The following ADCY2 variants were observed in gnomAD, a reference collection of about 807,000 sequenced individuals.
ADCY2 encodes the protein adenylate cyclase type 2.
ADCY2 carries 31 observed loss-of-function variants against 125.2 expected under a neutral mutation model. The observed-to-expected ratio is 0.25, with a 90% CI of 0.19 to 0.33. The LOEUF (loss-of-function observed/expected upper bound fraction) is 0.33. Among genes scored for constraint, ADCY2 ranks in the 10% least tolerant of loss-of-function variants. The pLI is 1.00. For synonymous variants in ADCY2, 512 were observed against 548.4 expected (o/e 0.93, Z 0.93); for missense variants, 904 against 1,418.2 (o/e 0.64, Z 5.82).
chr5:7,520,906 G>A lies in ADCY2; in HGVS notation c.570+7G>A, dbSNP rs1424726674. 6.2e-7 allele frequency: 1 copy of A among 1,613,720 alleles called. No homozygotes were observed. Among genetic ancestry groups the A allele is most frequent in the African/African-American group, 1.3e-5 (1 of 75,044 alleles). ...GGAGCACCTGGTCTGGCAGGTGGGT[G>A]CACCTCCACATCCATGGAGAATGAC... On this transcript the variant is annotated splice_region_variant and intron_variant, in intron 3 of 24. Transcript: ENST00000338316.
intron 20 of ADCY2, among the ~76,000 whole-genome samples, chr5:7,792,823 C>G (rs991716318): frequency 6.6e-6 from 1 of 152,232 alleles, no homozygotes; most frequent in African/African-American, 2.4e-5. Context: ...CCGTCCTCAT[C>G]CATAAAAGAA....
intron 16 of ADCY2, among the ~76,000 whole-genome samples, chr5:7,759,547 G>A (rs1488541728): frequency 3.3e-5 from 5 of 152,300 alleles, no homozygotes; most frequent in South Asian, 4.1e-4. Context: ...TAAGATGAGC[G>A]AGTGGCACGA....
intron 2 of ADCY2, among the ~76,000 whole-genome samples, chr5:7,516,874 G>C (rs1403013988): frequency 2.6e-5 from 4 of 151,438 alleles, no homozygotes; most frequent in Non-Finnish European, 5.9e-5. Flanking sequence ...GAGAGAAGCA[G>C]ACAGACAGAG....
intron 16 of ADCY2, among the ~76,000 whole-genome samples, chr5:7,762,975 T>G (rs1743271409): frequency 7.9e-6 from 1 of 126,342 alleles, no homozygotes; most frequent in Non-Finnish European, 1.6e-5. Context: ...AATCATGTCC[T>G]CATGTATAGC....
chr5:7,594,753 T>C (rs988909690), intron 3 of ADCY2, among the ~76,000 whole-genome samples: 13 of 152,208 alleles, frequency 8.5e-5, no homozygotes, highest in Non-Finnish European at 1.5e-5. Flanking sequence ...TAGGATTTTC[T>C]ATATTTGGGA....
chr5:7,595,871 T>A (rs774116122), intron 3 of ADCY2, among the ~76,000 whole-genome samples: 1 of 152,146 alleles, frequency 6.6e-6, no homozygotes, highest in Non-Finnish European at 1.5e-5. Flanking sequence ...CAAGAAAAAG[T>A]CTGTACATAT....
intron 2 of ADCY2, among the ~76,000 whole-genome samples, chr5:7,513,733 T>G (rs4546348): frequency 6.6e-6 from 1 of 152,210 alleles, no homozygotes; most frequent in African/African-American, 2.4e-5. Flanking sequence ...AAGAACTATA[T>G]TGCGGTACTA....
chr5:7,723,337 T>C (rs1741824418), intron 12 of ADCY2, among the ~76,000 whole-genome samples: 1 of 152,192 alleles, frequency 6.6e-6, no homozygotes, highest in African/African-American at 2.4e-5. Context: ...TGGCAGTCAG[T>C]CTAGAATACA....
rs1185070509 is a variant in ADCY2 at position 7,396,675 on chromosome 5, C to T, written c.210+169C>T. ...CTGCTTCTCCTGCTGGCCCGCGGCC[C>T]GGTGGACTCTGGCAAGGGCTGCGGG... On this transcript the variant is annotated intron_variant, in intron 1 of 24. Transcript: ENST00000338316. This position sits in a 1 kb window ranked among gnomAD's most constrained non-coding sequence, Gnocchi z 5.7. Among the ~76,000 whole-genome samples, 1 of 151,390 alleles carries T rather than the reference C, an allele frequency of 6.6e-6. No homozygotes were observed. The highest frequency in any genetic ancestry group is 2.1e-4 in the South Asian group (1 of 4,814).
intron 2 of ADCY2, among the ~76,000 whole-genome samples, chr5:7,494,094 A>G (rs1743262476): frequency 6.6e-6 from 1 of 152,090 alleles, no homozygotes; most frequent in South Asian, 2.1e-4. Flanking sequence ...GCCCCCAGTG[A>G]TGAGAGGCAC....
chr5:7,643,758 C>G lies in ADCY2; in HGVS notation c.720+17442C>G, dbSNP rs73050184. ...TTGTTATGCCATATCTAGTGTCTCT[C>G]ATTCTGTTTCCTGATACTTAGTGTT... On this transcript the variant is annotated intron_variant, in intron 4 of 24. Coordinates refer to ENST00000338316, the MANE Select transcript of ADCY2 (RefSeq NM_020546.3). Among the ~76,000 whole-genome samples, 1,190 of 151,744 alleles carry G rather than the reference C, an allele frequency of 7.8e-3. 18 individuals are homozygous for G. The highest frequency in any genetic ancestry group is 0.027 in the African/African-American group (1,121 of 41,422).
At chr5:7,732,835 C>T (rs1260139778) in intron 14 of ADCY2, among the ~76,000 whole-genome samples, 1 of 152,146 alleles carries the variant, frequency 6.6e-6, no homozygotes, top group Non-Finnish European at 1.5e-5. Context: ...TGAAAGGGAG[C>T]CCAACATGAT....
intron 2 of ADCY2, among the ~76,000 whole-genome samples, chr5:7,464,146 G>T (rs561177161): frequency 1.3e-5 from 2 of 152,210 alleles, no homozygotes; most frequent in African/African-American, 2.4e-5. Flanking sequence ...TGTGTGTGTT[G>T]TCTACCCTTT....
At chr5:7,761,412 G>A (rs143123819) in intron 16 of ADCY2, among the ~76,000 whole-genome samples, 62 of 152,180 alleles carry the variant, frequency 4.1e-4, no homozygotes, top group African/African-American at 1.4e-3. Flanking sequence ...CTCCCAAAGT[G>A]CTGGGATTAC....
chr5:7,518,112 A>G (rs998062822), intron 2 of ADCY2, among the ~76,000 whole-genome samples: 8 of 152,190 alleles, frequency 5.3e-5, no homozygotes, highest in African/African-American at 1.9e-4. Context: ...ATACACAACA[A>G]TTGATTTTCC....
intron 2 of ADCY2, among the ~76,000 whole-genome samples, chr5:7,512,539 T>C (rs1359151970): frequency 6.6e-6 from 1 of 152,042 alleles, no homozygotes; most frequent in African/African-American, 2.4e-5. Flanking sequence ...TTAAATGAGA[T>C]GGGAGAGAGT....
intron 3 of ADCY2, among the ~76,000 whole-genome samples, chr5:7,574,904 T>G (rs1448169558): frequency 6.6e-6 from 1 of 152,238 alleles, no homozygotes; most frequent in African/African-American, 2.4e-5. Context: ...TAGACACATT[T>G]TTTTTTACAC....
chr5:7,760,231 T>A (rs899590657), intron 16 of ADCY2, among the ~76,000 whole-genome samples: 4 of 152,246 alleles, frequency 2.6e-5, no homozygotes, highest in Non-Finnish European at 5.9e-5. Flanking sequence ...GGCTCGACTT[T>A]GTAACCTGCA....
At chr5:7,783,552 A>G (rs976068816) in intron 18 of ADCY2, among the ~76,000 whole-genome samples, 4 of 151,992 alleles carry the variant, frequency 2.6e-5, no homozygotes, top group Non-Finnish European at 5.9e-5. Flanking sequence ...AAAAACAAGG[A>G]CGACACACAA....
Sources: gnomAD v4.1 joint callset for allele counts (sites outside exome capture counted in the v4.1 genomes callset) on GRCh38, gnomAD v4.1.1 for gene constraint, Gnocchi (gnomAD v3.1) non-coding constraint, MANE v1.5 for transcripts, NCBI Gene and HGNC (gene_info 2026-07-23, HGNC 2026-07-21) for gene names.